Variants in CPLX2 observed in about 807,000 individuals in gnomAD.
The protein encoded by CPLX2 is complexin-2.
A neutral mutation model predicts 16.3 loss-of-function variants in CPLX2; 5 were observed. The ratio of observed to expected loss-of-function variants is 0.31; its 90% CI spans 0.16 to 0.64. The LOEUF is 0.64. CPLX2 is among the 30% of genes least tolerant of loss of function. The pLI is 0.79. For synonymous variants in CPLX2, 89 were observed against 73.2 expected (o/e 1.22, Z -1.10); for missense variants, 144 against 181.4 (o/e 0.79, Z 1.18).
chr5:175,818,862 T>C (rs1211417575), intron 2 of CPLX2, among the ~76,000 whole-genome samples: 1 of 151,968 alleles, frequency 6.6e-6, no homozygotes, highest in Non-Finnish European at 1.5e-5. Context: ...GGTTTCACCA[T>C]GTTGGTTGGC....
At chr5:175,847,031 A>G (rs1759055166) in intron 2 of CPLX2, among the ~76,000 whole-genome samples, 1 of 152,130 alleles carries the variant, frequency 6.6e-6, no homozygotes, top group South Asian at 2.1e-4. Flanking sequence ...AGGCGTTGAG[A>G]TGAATCAACA....
intron 2 of CPLX2, among the ~76,000 whole-genome samples, chr5:175,823,833 T>A (rs1758556997): frequency 6.6e-6 from 1 of 152,008 alleles, no homozygotes; most frequent in South Asian, 2.1e-4. Context: ...TCCCTCCCCC[T>A]CCTCAAACCA....
At chr5:175,875,611 G>C (rs925794802) in intron 1 of CPLX2, among the ~76,000 whole-genome samples, 1 of 152,164 alleles carries the variant, frequency 6.6e-6, no homozygotes, top group Non-Finnish European at 1.5e-5. Flanking sequence ...CAAGATCTGA[G>C]TCAGGCATGC....
chr5:175,813,094 G>C (rs1758342697), intron 2 of CPLX2, among the ~76,000 whole-genome samples: 1 of 152,142 alleles, frequency 6.6e-6, no homozygotes, highest in African/African-American at 2.4e-5. Context: ...ACCTCCCAGA[G>C]GCTGGCACAC....
At position 175,804,719 on chromosome 5, in the gene CPLX2, C is replaced by T. The variant is rs1031100827; in HGVS notation, c.-168-4270C>T. 2.4e-4 allele frequency among the ~76,000 whole-genome samples: 36 copies of T among 152,266 alleles called. 1 individual carries two copies. The highest frequency in any genetic ancestry group is 2.0e-3 in the Admixed American group (31 of 15,294). On this transcript the variant is annotated intron_variant, in intron 1 of 4. Transcript: ENST00000359546. ...TTTAACAAGACCCCCCGGTGATTGA[C>T]ACACCCCGGTGATTGACACACACGT... is the stretch of plus-strand genomic sequence containing the variant.
chr5:175,876,132 T>C (rs941341800), intron 1 of CPLX2, among the ~76,000 whole-genome samples: 1 of 152,190 alleles, frequency 6.6e-6, no homozygotes, highest in African/African-American at 2.4e-5. Context: ...CATGTGTGCA[T>C]ATACCCCCAC....
At chr5:175,862,660 T>C (rs1759394894) in intron 2 of CPLX2, among the ~76,000 whole-genome samples, 1 of 152,238 alleles carries the variant, frequency 6.6e-6, no homozygotes, top group Non-Finnish European at 1.5e-5. Context: ...GGGAAGGCAT[T>C]AAAGGATTTG....
At position 175,825,892 on chromosome 5, in the gene CPLX2, T is replaced by C. The variant is rs114712955; in HGVS notation, c.-89+16824T>C. 4.4e-3 allele frequency among the ~76,000 whole-genome samples: 610 copies of C among 140,018 alleles called. 5 individuals carry two copies. The highest frequency in any genetic ancestry group is 0.016 in the African/African-American group (584 of 35,654). The allele number at this position is 140,018 out of a possible 152,430, so 91.9% of individuals were successfully genotyped here. A position where few individuals can be genotyped will look rare whatever the true frequency, so the allele number is the denominator to read the frequency against. On this transcript the variant is annotated intron_variant, in intron 2 of 4. Coordinates refer to the CPLX2 transcript ENST00000359546. ...CCTGGACCAGGCGGAGGTGGAGTAA[T>C]TGACTCTCTGGTTTCCCCTGGAAGT...
At chr5:175,853,000 C>A (rs940173910) in intron 2 of CPLX2, among the ~76,000 whole-genome samples, 9 of 152,204 alleles carry the variant, frequency 5.9e-5, no homozygotes, top group African/African-American at 2.2e-4. Flanking sequence ...CTGTCCATGA[C>A]CAGAGGGCTA....
intron 2 of CPLX2, among the ~76,000 whole-genome samples, chr5:175,863,751 G>A (rs929283690): frequency 2.0e-5 from 3 of 152,132 alleles, no homozygotes; most frequent in Non-Finnish European, 4.4e-5. Flanking sequence ...ATTTGTGGGT[G>A]GAAAATTCCT....
intron 2 of CPLX2, among the ~76,000 whole-genome samples, chr5:175,853,383 C>A (rs998788249): frequency 3.3e-5 from 5 of 152,174 alleles, no homozygotes; most frequent in Admixed American, 2.6e-4. Context: ...CTGGCCCCAG[C>A]GCCCCTCCTC....
At chr5:175,820,695 G>A (rs868459436) in intron 2 of CPLX2, among the ~76,000 whole-genome samples, 7 of 151,984 alleles carry the variant, frequency 4.6e-5, no homozygotes, top group Admixed American at 2.6e-4. Context: ...TGTCTCACCC[G>A]CCCTGTCCTT....
intron 2 of CPLX2, among the ~76,000 whole-genome samples, chr5:175,813,524 A>G (rs1282513886): frequency 2.0e-5 from 3 of 152,250 alleles, no homozygotes; most frequent in Non-Finnish European, 4.4e-5. Context: ...TTCCTGGGAC[A>G]AAGTAGGGGC....
In CPLX2 at chr5:175,803,502, A is replaced by G. The variant is rs981410885; in HGVS notation, c.-168-5487A>G. Reference sequence around the variant, plus strand: ...CTGGCATCTGAATGAGAAGCTGCCTATGGGACAAGCGTGGAGGCAGAAGAA... The same window carrying G: ...CTGGCATCTGAATGAGAAGCTGCCTGTGGGACAAGCGTGGAGGCAGAAGAA... On this transcript the variant is annotated intron_variant, in intron 1 of 4. Coordinates refer to the CPLX2 transcript ENST00000359546. Among the ~76,000 whole-genome samples, 8 of 152,242 alleles carry G rather than the reference A, an allele frequency of 5.3e-5. No homozygotes were observed. In the East Asian group the frequency reaches 1.5e-3, roughly 29 times the overall value.
At chr5:175,824,022 G>T (rs1264316635) in intron 2 of CPLX2, among the ~76,000 whole-genome samples, 1 of 152,086 alleles carries the variant, frequency 6.6e-6, no homozygotes, top group Non-Finnish European at 1.5e-5. Flanking sequence ...TAAAGGGACC[G>T]ATCCTCCTGT....
At chr5:175,802,028 TAGG>T (rs1474688349) in intron 1 of CPLX2, among the ~76,000 whole-genome samples, 2 of 152,222 alleles carry the variant, frequency 1.3e-5, no homozygotes, top group African/African-American at 2.4e-5. Context: ...TTAACATCTG[TAGG>T]AGAACAAAGG....
At chr5:175,813,543 A>G (rs1758350823) in intron 2 of CPLX2, among the ~76,000 whole-genome samples, 1 of 152,276 alleles carries the variant, frequency 6.6e-6, no homozygotes, top group Non-Finnish European at 1.5e-5. Flanking sequence ...GCCCAGGCCC[A>G]GTCGGTCTGG....
chr5:175,813,082 G>T (rs1020845209), intron 2 of CPLX2, among the ~76,000 whole-genome samples: 5 of 152,114 alleles, frequency 3.3e-5, no homozygotes, highest in African/African-American at 9.7e-5. Flanking sequence ...AGCGGCTCTG[G>T]TACCTCCCAG....
intron 1 of CPLX2, among the ~76,000 whole-genome samples, chr5:175,800,673 G>C (rs1345928060): frequency 6.6e-6 from 1 of 152,130 alleles, no homozygotes; most frequent in African/African-American, 2.4e-5. Context: ...AAAGGGACTT[G>C]GTGAGCATCT....
Sources: gnomAD v4.1 joint callset for allele counts (sites outside exome capture counted in the v4.1 genomes callset) on GRCh38, gnomAD v4.1.1 for gene constraint, MANE v1.5 for transcripts, NCBI Gene and HGNC (gene_info 2026-07-23, HGNC 2026-07-21) for gene names.